The following KLHL29 variants were observed in gnomAD, a reference collection of about 807,000 sequenced individuals.
KLHL29 encodes the protein kelch like family member 29.
Under a neutral mutation model 80.4 loss-of-function variants are expected in KLHL29, and 21 were observed. The observed-to-expected ratio is 0.26, with a 90% CI of 0.19 to 0.38. The LOEUF is 0.38. KLHL29 is among the 10% of genes least tolerant of loss of function. KLHL29 has a pLI of 1.00. For synonymous variants in KLHL29, 511 were observed against 526.8 expected (o/e 0.97, Z 0.41); for missense variants, 867 against 1,223.9 (o/e 0.71, Z 4.35).
At chr2:23,425,879 G>A (rs1662992279) in intron 1 of KLHL29, among the ~76,000 whole-genome samples, 1 of 152,162 alleles carries the variant, frequency 6.6e-6, no homozygotes, top group South Asian at 2.1e-4. Context: ...TTCTTCATAG[G>A]GCACAAATCA....
chr2:23,643,029 A>G (rs1572460760), intron 5 of KLHL29, 179 bp downstream of exon 5: 1 of 716,218 alleles, frequency 1.4e-6, no homozygotes, highest in Non-Finnish European at 2.5e-6. Context: ...TGGGGGAGGG[A>G]GGGGGAAGGT....
intron 1 of KLHL29, 53 bp from the exon 2 acceptor site, chr2:23,475,502 GAAAAA>G (rs1238759015): frequency 6.2e-6 from 1 of 160,834 alleles, no homozygotes; most frequent in Non-Finnish European, 1.5e-5. Context: ...AAAAAGAAAA[GAAAAA>G]AAATTAGACC....
chr2:23,412,127 G>GT (rs1353716717), intron 1 of KLHL29, among the ~76,000 whole-genome samples: 4 of 134,528 alleles, frequency 3.0e-5, no homozygotes, highest in African/African-American at 1.3e-4. Flanking sequence ...CGTGAAGGGG[G>GT]GGGGGGGGCG....
intron 2 of KLHL29, among the ~76,000 whole-genome samples, chr2:23,541,564 C>T (rs999051475): frequency 6.6e-5 from 10 of 152,186 alleles, no homozygotes; most frequent in African/African-American, 2.4e-4. Context: ...TGAAAGTGAG[C>T]GGCAGCTCTG....
chr2:23,704,628 G>T (rs1319110490), intron 13 of KLHL29, among the ~76,000 whole-genome samples: 2 of 152,190 alleles, frequency 1.3e-5, no homozygotes, highest in African/African-American at 2.4e-5. Context: ...TTTGCCAGGC[G>T]TGGTGGCATG....
At chr2:23,676,697 C>A (rs1172629936) in intron 5 of KLHL29, among the ~76,000 whole-genome samples, 1 of 152,158 alleles carries the variant, frequency 6.6e-6, no homozygotes, top group Non-Finnish European at 1.5e-5. Flanking sequence ...GTAGGAGAAA[C>A]CCTGGCCAAA....
chr2:23,539,789 C>A (rs146182863), intron 2 of KLHL29, among the ~76,000 whole-genome samples: 291 of 152,234 alleles, frequency 1.9e-3, no homozygotes, highest in African/African-American at 6.8e-3. Flanking sequence ...TTTCCTCATT[C>A]TCTTTTTCCA....
intron 1 of KLHL29, among the ~76,000 whole-genome samples, chr2:23,458,672 G>A (rs1664129772): frequency 6.6e-6 from 1 of 152,214 alleles, no homozygotes; most frequent in African/African-American, 2.4e-5. Context: ...GCTTTTGTTG[G>A]CATCAGAATC....
intron 6 of KLHL29, among the ~76,000 whole-genome samples, chr2:23,685,940 G>C (rs969918284): frequency 6.6e-6 from 1 of 152,242 alleles, no homozygotes; most frequent in Non-Finnish European, 1.5e-5. Flanking sequence ...AGTGCTGAGC[G>C]GCAGCCTAGT....
chr2:23,657,349 CTT>C (rs1165056426), intron 5 of KLHL29, among the ~76,000 whole-genome samples: 1 of 152,178 alleles, frequency 6.6e-6, no homozygotes, highest in East Asian at 1.9e-4. Context: ...ATTCTTGCCT[CTT>C]TTCACTTCTT....
intron 5 of KLHL29, among the ~76,000 whole-genome samples, chr2:23,675,406 CCT>C (rs1476367734): frequency 6.6e-6 from 1 of 152,176 alleles, no homozygotes; most frequent in East Asian, 1.9e-4. Context: ...CACTCTGCCC[CCT>C]GTCCTCCTCC....
intron 1 of KLHL29, among the ~76,000 whole-genome samples, chr2:23,394,314 T>G (rs1296035418): frequency 6.6e-6 from 1 of 152,212 alleles, no homozygotes. Context: ...TATATTCAGC[T>G]CCTGGAGCTT....
chr2:23,669,652 G>A lies in KLHL29; in HGVS notation c.941-14747G>A, dbSNP rs73922007. 2.0e-3 allele frequency among the ~76,000 whole-genome samples: 305 copies of A among 152,240 alleles called. 1 individual carries two copies. The highest frequency in any genetic ancestry group is 6.4e-3 in the African/African-American group (267 of 41,554). ...GTTGGGGAGACTGGTCCTTCTCAGC[G>A]TTTGTGTTCACGTAGGGGATGGTCC... On this transcript the variant is annotated intron_variant, in intron 5 of 13. Transcript: ENST00000486442. This position sits in a 1 kb window ranked among gnomAD's most constrained non-coding sequence, Gnocchi z 4.3.
rs1042847754 is a variant in KLHL29, at chr2:23,495,047, G to C, written c.-46+19380G>C. Among the ~76,000 whole-genome samples, 5 of 152,284 alleles carry C rather than the reference G, an allele frequency of 3.3e-5. No individual in the cohort carries two copies. The East Asian group carries it at 9.6e-4, about 29-fold the overall frequency. ...TCTCTTTTATTTTATTTATTTCTGT[G>C]AGTATTTTATTTATTTTTTGGAGAC... On this transcript the variant is annotated intron_variant, in intron 2 of 13. Transcript: ENST00000486442.
At chr2:23,663,040 A>G (rs1034179440) in intron 5 of KLHL29, among the ~76,000 whole-genome samples, 2 of 152,114 alleles carry the variant, frequency 1.3e-5, no homozygotes, top group Non-Finnish European at 2.9e-5. Flanking sequence ...GAGGATTCCA[A>G]GAGTGGATCT....
chr2:23,436,790 G>A (rs2103412059), intron 1 of KLHL29, among the ~76,000 whole-genome samples: 2 of 152,286 alleles, frequency 1.3e-5, no homozygotes, highest in Middle Eastern at 6.8e-3. Flanking sequence ...GTCTTGCTAG[G>A]TCAACGTTTT....
rs1487246404 is a variant in KLHL29 at position 23,399,115 on chromosome 2, A to G, written c.-154+13335A>G. On this transcript the variant is annotated intron_variant, in intron 1 of 13. Coordinates refer to ENST00000486442, the MANE Select transcript of KLHL29 (RefSeq NM_052920.2). Reference sequence around the variant, plus strand: ...CCATTGCTGACTGTGGACAACTCCAATAAATTAGACTTGTGTTTTATCTTC... The same window carrying G: ...CCATTGCTGACTGTGGACAACTCCAGTAAATTAGACTTGTGTTTTATCTTC... Among the ~76,000 whole-genome samples the G allele has an allele frequency of 2.6e-5, 4 of 152,226 alleles. No individual in the cohort carries two copies. In the East Asian group the frequency reaches 7.7e-4, roughly 29 times the overall value.
intron 2 of KLHL29, among the ~76,000 whole-genome samples, chr2:23,524,593 G>T (rs1251850697): frequency 6.6e-6 from 1 of 152,184 alleles, no homozygotes; most frequent in African/African-American, 2.4e-5. Context: ...GCGGGCATCT[G>T]TGGCCTTCAA....
At chr2:23,661,261 G>T (rs1670398457) in intron 5 of KLHL29, among the ~76,000 whole-genome samples, 1 of 151,272 alleles carries the variant, frequency 6.6e-6, no homozygotes, top group Admixed American at 6.6e-5. Flanking sequence ...AGTATTGCCT[G>T]AGCCGAGGAG....
Sources: allele counts gnomAD v4.1 joint callset (sites outside exome capture counted in the v4.1 genomes callset), GRCh38; gene constraint gnomAD v4.1.1; non-coding constraint Gnocchi (gnomAD v3.1); transcripts MANE v1.5; gene names NCBI Gene and HGNC (gene_info 2026-07-23, HGNC 2026-07-21).